ANO4: variants seen among roughly 807,000 people sequenced by gnomAD.
ANO4 encodes the protein anoctamin 4.
A neutral mutation model predicts 141.9 loss-of-function variants in ANO4; 69 were observed. The observed-to-expected ratio is 0.49, with a 90% CI of 0.40 to 0.59. ANO4 has a LOEUF of 0.59. Among genes scored for constraint, ANO4 ranks in the 20% least tolerant of loss-of-function variants. The pLI is 0.00. For synonymous variants in ANO4, 350 were observed against 394.3 expected (o/e 0.89, Z 1.33); for missense variants, 894 against 1,162.2 (o/e 0.77, Z 3.36).
chr12:100,857,137 A>G (rs1105887), intron 1 of ANO4, among the ~76,000 whole-genome samples: 123,770 of 151,992 alleles, frequency 0.81, 50,420 homozygotes, highest in Admixed American at 0.87. Context: ...TGCCTGAGAG[A>G]ACATCCAGGG....
intron 3 of ANO4, among the ~76,000 whole-genome samples, chr12:100,784,993 C>T (rs1265983381): frequency 1.3e-5 from 2 of 151,818 alleles, no homozygotes; most frequent in Non-Finnish European, 2.9e-5. Flanking sequence ...TAAACAAAGC[C>T]CTTTGTTTTC....
intron 1 of ANO4, among the ~76,000 whole-genome samples, chr12:100,810,641 C>A (rs911381151): frequency 1.3e-5 from 2 of 152,048 alleles, no homozygotes; most frequent in African/African-American, 4.8e-5. Context: ...ATGGATCTGT[C>A]TTGAACTTGG....
chr12:101,102,652 G>A (rs2050236459), intron 22 of ANO4, among the ~76,000 whole-genome samples: 1 of 151,868 alleles, frequency 6.6e-6, no homozygotes. Flanking sequence ...TGGTTGGCTT[G>A]ACTTCTCATT....
intron 1 of ANO4, among the ~76,000 whole-genome samples, chr12:100,851,538 A>G (rs549538872): frequency 6.6e-6 from 1 of 152,290 alleles, no homozygotes; most frequent in South Asian, 2.1e-4. Context: ...GAAGTCTACT[A>G]ATCTTTTACT....
intron 1 of ANO4, among the ~76,000 whole-genome samples, chr12:100,800,014 C>A (rs893766440): frequency 7.2e-5 from 11 of 152,128 alleles, no homozygotes; most frequent in African/African-American, 2.7e-4. Flanking sequence ...GGGTTCATTT[C>A]ATGCAGATTA....
intron 17 of ANO4, among the ~76,000 whole-genome samples, chr12:101,092,252 A>C (rs987384891): frequency 1.3e-5 from 2 of 152,290 alleles, no homozygotes; most frequent in South Asian, 4.2e-4. Flanking sequence ...TACACCAGAT[A>C]ATATAGCTTG....
intron 16 of ANO4, among the ~76,000 whole-genome samples, chr12:101,085,104 T>C (rs1218187089): frequency 6.6e-6 from 1 of 152,222 alleles, no homozygotes; most frequent in Non-Finnish European, 1.5e-5. Flanking sequence ...ATATCTCCCT[T>C]AAAAGTAAGC....
intron 1 of ANO4, among the ~76,000 whole-genome samples, chr12:100,721,749 G>T (rs1300686183): frequency 6.6e-6 from 1 of 152,048 alleles, no homozygotes; most frequent in East Asian, 1.9e-4. Flanking sequence ...CATGATCCTG[G>T]CTCATTGCAG....
chr12:101,100,648 A>G (rs1389157335), intron 22 of ANO4, among the ~76,000 whole-genome samples: 2 of 152,226 alleles, frequency 1.3e-5, no homozygotes, highest in Non-Finnish European at 2.9e-5. Context: ...GAGTGCTTAA[A>G]AAGAACCTTT....
At chr12:100,898,693 C>T (rs1376222214) in intron 1 of ANO4, among the ~76,000 whole-genome samples, 1 of 152,136 alleles carries the variant, frequency 6.6e-6, no homozygotes. Flanking sequence ...TTTTGTGCTT[C>T]CTTCAGAAAA....
intron 1 of ANO4, among the ~76,000 whole-genome samples, chr12:100,821,386 T>C (rs1047178572): frequency 4.6e-5 from 7 of 152,032 alleles, no homozygotes; most frequent in Non-Finnish European, 8.8e-5. Flanking sequence ...AGAATAGTAC[T>C]TAATTTCTTA....
intron 5 of ANO4, among the ~76,000 whole-genome samples, chr12:100,960,383 G>C (rs1236091962): frequency 6.6e-6 from 1 of 151,960 alleles, no homozygotes; most frequent in African/African-American, 2.4e-5. Context: ...AATCATAAGA[G>C]CCCCATTTAT....
In ANO4 at chr12:101,112,299, T is replaced by A. The variant is rs188504996; in HGVS notation, c.2450+589T>A. ...AAGCAAGCTGAGTGGACTAAACTCCTTGGGAGGATCAATTCTATGGCATTG... is the reference window on the plus strand; with the variant it reads ...AAGCAAGCTGAGTGGACTAAACTCCATGGGAGGATCAATTCTATGGCATTG... On this transcript the variant is annotated intron_variant, in intron 24 of 27. Transcript: ENST00000392977. Among the ~76,000 whole-genome samples, 6 of 152,312 alleles carry A rather than the reference T, an allele frequency of 3.9e-5. No individual in the cohort carries two copies. In the East Asian group the frequency reaches 1.2e-3, roughly 29 times the overall value.
At chr12:100,923,677 G>A (rs1049891941) in intron 3 of ANO4, among the ~76,000 whole-genome samples, 2 of 152,086 alleles carry the variant, frequency 1.3e-5, no homozygotes, top group Non-Finnish European at 2.9e-5. Flanking sequence ...GGGTCAAATG[G>A]TATTTCTAGT....
chr12:100,730,366 A>G (rs2031332477), intron 1 of ANO4, among the ~76,000 whole-genome samples: 1 of 152,130 alleles, frequency 6.6e-6, no homozygotes, highest in Non-Finnish European at 1.5e-5. Flanking sequence ...TGGAGGAATC[A>G]GTACTTAAGG....
At chr12:100,872,482 T>G (rs921484277) in intron 1 of ANO4, among the ~76,000 whole-genome samples, 1 of 152,178 alleles carries the variant, frequency 6.6e-6, no homozygotes, top group African/African-American at 2.4e-5. Flanking sequence ...TGCATTTCAT[T>G]TTATGAAGCT....
intron 8 of ANO4, among the ~76,000 whole-genome samples, chr12:101,009,265 A>C (rs772029970): frequency 5.9e-5 from 9 of 152,174 alleles, no homozygotes; most frequent in African/African-American, 2.2e-4. Context: ...TCATGTGAAG[A>C]CATATAGAGA....
At chr12:100,950,374 C>A (rs2136203003) in intron 5 of ANO4, among the ~76,000 whole-genome samples, 1 of 152,240 alleles carries the variant, frequency 6.6e-6, no homozygotes, top group Admixed American at 6.5e-5. Flanking sequence ...CAGTCATAAC[C>A]AAAGAAGGAA....
intron 18 of ANO4, among the ~76,000 whole-genome samples, chr12:101,094,543 C>A (rs1435946753): frequency 2.0e-5 from 3 of 152,126 alleles, no homozygotes; most frequent in African/African-American, 7.2e-5. Context: ...TCTCTTCATG[C>A]ACAAAAAATA....
Sources: allele counts gnomAD v4.1 joint callset (sites outside exome capture counted in the v4.1 genomes callset), GRCh38; gene constraint gnomAD v4.1.1; transcripts MANE v1.5; gene names NCBI Gene and HGNC (gene_info 2026-07-23, HGNC 2026-07-21).